GLI3: variants seen among roughly 807,000 people sequenced by gnomAD.
GLI3 encodes the protein GLI family zinc finger 3.
Under a neutral mutation model 100.8 loss-of-function variants are expected in GLI3, and 20 were observed. That is an observed-to-expected ratio of 0.20 (90% CI 0.14 to 0.29). GLI3 has a LOEUF of 0.29. GLI3 is among the 10% of genes least tolerant of loss of function. GLI3 has a pLI of 1.00. For missense variants in GLI3, 2,040 were observed against 2,128.5 expected, an observed-to-expected ratio of 0.96 and a Z score of 0.82; for synonymous variants, 938 against 860.5, an observed-to-expected ratio of 1.09 and a Z score of -1.58.
intron 4 of GLI3, among the ~76,000 whole-genome samples, chr7:42,072,289 G>T (rs575021038): frequency 6.4e-4 from 98 of 152,196 alleles, no homozygotes; most frequent in African/African-American, 1.8e-3. Context: ...AATTAATACT[G>T]GTCCATAAAT....
At chr7:42,148,821 C>T (rs1284034402) in intron 2 of GLI3, among the ~76,000 whole-genome samples, 2 of 152,168 alleles carry the variant, frequency 1.3e-5, no homozygotes, top group Non-Finnish European at 2.9e-5. Flanking sequence ...CCACGTGGAA[C>T]TGAAACCTTT....
At chr7:42,095,237 G>A (rs1306510035) in intron 3 of GLI3, among the ~76,000 whole-genome samples, 1 of 152,168 alleles carries the variant, frequency 6.6e-6, no homozygotes, top group East Asian at 1.9e-4. Context: ...GGCCTGGGGT[G>A]GAGCCTGAGA....
chr7:42,071,264 A>G (rs768605474), intron 4 of GLI3, among the ~76,000 whole-genome samples: 2 of 151,986 alleles, frequency 1.3e-5, no homozygotes, highest in South Asian at 4.2e-4. Flanking sequence ...TATTTGCTAG[A>G]CTTTGCAATT....
At chr7:42,028,561 C>A (rs1377471465) in intron 7 of GLI3, among the ~76,000 whole-genome samples, 1 of 151,968 alleles carries the variant, frequency 6.6e-6, no homozygotes, top group Non-Finnish European at 1.5e-5. Flanking sequence ...GTCAGGAGTT[C>A]GAGACAAGCC....
chr7:42,032,640 G>C (rs1213115739), intron 7 of GLI3, among the ~76,000 whole-genome samples: 1 of 152,026 alleles, frequency 6.6e-6, no homozygotes, highest in African/African-American at 2.4e-5. Flanking sequence ...CAGAGCGCTG[G>C]GGATATACTG....
rs76394608 is a variant in GLI3, at chr7:42,099,985, A to T, written c.368-23128T>A. On this transcript the variant is annotated intron_variant, in intron 3 of 14. Coordinates refer to ENST00000395925, the MANE Select transcript of GLI3 (RefSeq NM_000168.6). The stretch of plus-strand genomic sequence containing the variant: ...CTCTCTTTCTCTGTAACCAGCATCA[A>T]CATGTCTTTGTAATGAAGAGCTGCT... 3.0e-3 allele frequency among the ~76,000 whole-genome samples: 451 copies of T among 152,400 alleles called. 4 individuals carry two copies. The highest frequency in any genetic ancestry group is 5.4e-3 in the Non-Finnish European group (366 of 68,044).
At chr7:41,998,208 C>A (rs1788185072) in intron 10 of GLI3, among the ~76,000 whole-genome samples, 1 of 152,128 alleles carries the variant, frequency 6.6e-6, no homozygotes, top group Admixed American at 6.5e-5. Context: ...TACAAGTAAA[C>A]TGAGATGGCT....
intron 10 of GLI3, among the ~76,000 whole-genome samples, chr7:41,986,424 C>T (rs1235243038): frequency 2.1e-5 from 3 of 144,256 alleles, no homozygotes; most frequent in East Asian, 4.4e-4. Context: ...ACCCCATCAC[C>T]TCCCCAGACC....
intron 1 of GLI3, among the ~76,000 whole-genome samples, chr7:42,225,757 T>C (rs1162062531): frequency 6.6e-6 from 1 of 152,230 alleles, no homozygotes; most frequent in Non-Finnish European, 1.5e-5. Context: ...AACTGCACTC[T>C]AGAATCCTGA....
intron 13 of GLI3, among the ~76,000 whole-genome samples, chr7:41,971,297 G>A (rs1228629651): frequency 1.3e-5 from 2 of 152,148 alleles, no homozygotes; most frequent in Admixed American, 6.5e-5. Flanking sequence ...CCGTGCATCC[G>A]GCAGTCTGAG....
chr7:42,010,119 G>A (rs949873951), intron 10 of GLI3, among the ~76,000 whole-genome samples: 1 of 152,166 alleles, frequency 6.6e-6, no homozygotes, highest in Non-Finnish European at 1.5e-5. Context: ...CTGACTTGCA[G>A]CACTTTCTCC....
At chr7:42,201,143 T>G (rs1211090045) in intron 2 of GLI3, among the ~76,000 whole-genome samples, 1 of 152,102 alleles carries the variant, frequency 6.6e-6, no homozygotes, top group Admixed American at 6.6e-5. Context: ...TTAACAACAA[T>G]AACTAATAAT....
chr7:42,010,653 G>A (rs1368954827), intron 10 of GLI3, among the ~76,000 whole-genome samples: 1 of 152,136 alleles, frequency 6.6e-6, no homozygotes, highest in East Asian at 1.9e-4. Context: ...ACAGGGGAAG[G>A]GGACTGTCTT....
At chr7:42,208,363 A>G (rs773241588) in intron 2 of GLI3, among the ~76,000 whole-genome samples, 2 of 152,034 alleles carry the variant, frequency 1.3e-5, no homozygotes, top group Non-Finnish European at 2.9e-5. Flanking sequence ...TATTTTAATA[A>G]TTTCTATATA....
rs1787379531 is a variant in GLI3, at chr7:41,972,143, G to T, written c.2103+194C>A. Among the ~76,000 whole-genome samples the T allele has an allele frequency of 6.6e-6, 1 of 152,106 alleles. No homozygotes were observed. Among genetic ancestry groups the T allele is most frequent in the Non-Finnish European group, 1.5e-5 (1 of 68,002 alleles). On this transcript the variant is annotated intron_variant, in intron 13 of 14. Transcript: ENST00000395925. This position sits in a 1 kb window ranked among gnomAD's most constrained non-coding sequence, Gnocchi z 4.4. Reference sequence around the variant, plus strand: ...GTTCTGGGAGGGATTTTAAAAATCAGTTAGGAAACCTGGAAACTCTTTTTC... The same window carrying T: ...GTTCTGGGAGGGATTTTAAAAATCATTTAGGAAACCTGGAAACTCTTTTTC...
At chr7:42,067,734 C>T (rs6971570) in intron 4 of GLI3, among the ~76,000 whole-genome samples, 8,452 of 152,042 alleles carry the variant, frequency 0.056, 720 homozygotes, top group African/African-American at 0.18. Context: ...TTTACAGGTG[C>T]TTCCAGGCAA....
chr7:41,977,966 A>T (rs1052663949), intron 11 of GLI3: 40 of 549,816 alleles, frequency 7.3e-5, no homozygotes, highest in Non-Finnish European at 1.3e-4. Flanking sequence ...AGACCGCTCA[A>T]TGTGGACAAT....
At chr7:41,993,203 C>T (rs992190949) in intron 10 of GLI3, among the ~76,000 whole-genome samples, 1 of 152,096 alleles carries the variant, frequency 6.6e-6, no homozygotes, top group Non-Finnish European at 1.5e-5. Context: ...GGAGGCACAC[C>T]TGACCACCCC....
intron 1 of GLI3, among the ~76,000 whole-genome samples, chr7:42,252,897 C>T (rs547694596): frequency 1.3e-5 from 2 of 151,992 alleles, no homozygotes; most frequent in Admixed American, 6.6e-5. Context: ...ACCAGAGAGA[C>T]AGGTAATAAA....
Sources: gnomAD v4.1 joint callset for allele counts (sites outside exome capture counted in the v4.1 genomes callset) on GRCh38, gnomAD v4.1.1 for gene constraint, Gnocchi (gnomAD v3.1) non-coding constraint, MANE v1.5 for transcripts, NCBI Gene and HGNC (gene_info 2026-07-23, HGNC 2026-07-21) for gene names.